Variants in CACNA2D2 observed in about 807,000 individuals in gnomAD.
The protein encoded by CACNA2D2 is calcium voltage-gated channel auxiliary subunit alpha2delta 2.
Under a neutral mutation model 166.4 loss-of-function variants are expected in CACNA2D2, and 48 were observed. That is an observed-to-expected ratio of 0.29 (90% CI 0.23 to 0.37). The LOEUF (loss-of-function observed/expected upper bound fraction) is 0.37, where lower values mean the gene tolerates loss of function less well. CACNA2D2 is among the 10% of genes least tolerant of loss of function. The pLI is 1.00. For synonymous variants in CACNA2D2, 561 were observed against 573.7 expected (o/e 0.98, Z 0.32); for missense variants, 1,122 against 1,433.0 (o/e 0.78, Z 3.50).
intron 2 of CACNA2D2, among the ~76,000 whole-genome samples, chr3:50,442,404 T>C (rs745719763): frequency 1.3e-5 from 2 of 152,172 alleles, no homozygotes; most frequent in Non-Finnish European, 1.5e-5. Context: ...CAAGAAGCAC[T>C]TTCCCCAAGC....
chr3:50,477,130 T>C (rs924698559), intron 1 of CACNA2D2, among the ~76,000 whole-genome samples: 2 of 151,908 alleles, frequency 1.3e-5, no homozygotes, highest in African/African-American at 2.4e-5. Context: ...GGGGTTTCAC[T>C]GTGTTAGCCA....
chr3:50,427,146 A>G lies in CACNA2D2; in HGVS notation c.405+7167T>C, dbSNP rs1482451986. Among the ~76,000 whole-genome samples the G allele has an allele frequency of 1.3e-5, 2 of 152,170 alleles. No individual in the cohort carries two copies. Among genetic ancestry groups the G allele is most frequent in the African/African-American group, 2.4e-5 (1 of 41,440 alleles). ...GACATCCAGGCCACCTCGTCCAAGG[A>G]GCCCTCTCTGACTCCCATTCCTTGG... is the stretch of plus-strand genomic sequence containing the variant. On this transcript the variant is annotated intron_variant, in intron 3 of 37. Coordinates refer to ENST00000424201, the MANE Select transcript of CACNA2D2 (RefSeq NM_006030.4). This position sits in a 1 kb window ranked among gnomAD's most constrained non-coding sequence, Gnocchi z 4.7.
intron 2 of CACNA2D2, among the ~76,000 whole-genome samples, chr3:50,451,902 T>C (rs984552895): frequency 7.9e-5 from 12 of 152,200 alleles, no homozygotes; most frequent in Non-Finnish European, 1.8e-4. Flanking sequence ...CAGAGAGTTC[T>C]TGTGACTCAC....
At position 50,375,622 on chromosome 3, in the gene CACNA2D2, G is replaced by A. The variant is rs778160430; in HGVS notation, c.1907+22C>T. The A allele has an allele frequency of 2.4e-5, 32 of 1,359,890 alleles. No individual in the cohort carries two copies. The highest frequency in any genetic ancestry group is 1.1e-4 in the East Asian group (4 of 36,714). 84.2% of individuals were successfully genotyped at this position (1,359,890 alleles called of 1,614,324 possible). The stretch of plus-strand genomic sequence containing the variant: ...TGGGGCCACCCCACCCTCTCTGCCC[G>A]CCCAGCCCTGGCCTCACTTACCTGT... On this transcript the variant is annotated intron_variant, in intron 21 of 37. Transcript: ENST00000424201. This position sits in a 1 kb window ranked among gnomAD's most constrained non-coding sequence, Gnocchi z 4.0.
chr3:50,502,385 T>C (rs1332012263), intron 1 of CACNA2D2, among the ~76,000 whole-genome samples: 1 of 152,190 alleles, frequency 6.6e-6, no homozygotes, highest in Non-Finnish European at 1.5e-5. Flanking sequence ...CCACATGCAC[T>C]GAACATCCAC....
At chr3:50,402,397 GA>G (rs1372670610) in intron 3 of CACNA2D2, among the ~76,000 whole-genome samples, 2 of 152,220 alleles carry the variant, frequency 1.3e-5, no homozygotes, top group Non-Finnish European at 2.9e-5. Flanking sequence ...CGTGCTGCAG[GA>G]AAGGTCTGGT....
intron 3 of CACNA2D2, among the ~76,000 whole-genome samples, chr3:50,394,383 A>G (rs1706043106): frequency 6.6e-6 from 1 of 152,136 alleles, no homozygotes; most frequent in South Asian, 2.1e-4. Context: ...CCATGCAGGA[A>G]AGGTGAAGCC....
rs1158599737 is a variant in CACNA2D2, at chr3:50,392,236, C to T, written c.465+1873G>A. On this transcript the variant is annotated intron_variant, in intron 4 of 37. Transcript: ENST00000424201. The stretch of plus-strand genomic sequence containing the variant: ...CCTCCCCTGGCATGGACAGTCCCTC[C>T]TGCAGCCACTGCTGCCAGCAATCCC... Among the ~76,000 whole-genome samples, 11 of 152,200 alleles carry T rather than the reference C, an allele frequency of 7.2e-5. No homozygotes were observed. The East Asian group carries it at 1.9e-3, about 27-fold the overall frequency.
rs1704245629 is a variant in CACNA2D2 at position 50,365,947 on chromosome 3, G to A, written c.2862+64C>T. ...GCTTTATCAAATGTCAGAGGTAGGG[G>A]GTCATCTGTGGGCAGGTCTCCCAGT... On this transcript the variant is annotated intron_variant, in intron 32 of 37. Coordinates refer to ENST00000424201, the MANE Select transcript of CACNA2D2 (RefSeq NM_006030.4). The surrounding 1 kb of genome is among the most constrained non-coding windows in gnomAD (Gnocchi z 4.5). The A allele has an allele frequency of 3.7e-6, 6 of 1,611,244 alleles. No individual in the cohort carries two copies. The highest frequency in any genetic ancestry group is 3.3e-5 in the Admixed American group (2 of 59,976).
At chr3:50,439,482 G>C (rs898461799) in intron 2 of CACNA2D2, among the ~76,000 whole-genome samples, 1 of 152,252 alleles carries the variant, frequency 6.6e-6, no homozygotes, top group Non-Finnish European at 1.5e-5. Flanking sequence ...CTCACCTTGG[G>C]GTTTTGCCAG....
intron 4 of CACNA2D2, among the ~76,000 whole-genome samples, chr3:50,389,078 C>T (rs587641316): frequency 6.6e-6 from 1 of 152,340 alleles, no homozygotes; most frequent in South Asian, 2.1e-4. Flanking sequence ...CTCCAACCTG[C>T]CCTTCCAGCC....
intron 3 of CACNA2D2, among the ~76,000 whole-genome samples, chr3:50,432,535 G>A (rs1186682989): frequency 6.6e-6 from 1 of 152,244 alleles, no homozygotes; most frequent in African/African-American, 2.4e-5. Context: ...ACAAGGGAAA[G>A]GCAGGAGAAG....
chr3:50,439,183 A>C (rs950547564), intron 2 of CACNA2D2, among the ~76,000 whole-genome samples: 1 of 152,238 alleles, frequency 6.6e-6, no homozygotes, highest in Non-Finnish European at 1.5e-5. Flanking sequence ...TGAACTGGGC[A>C]GGCCTGAAGG....
chr3:50,415,806 G>A (rs1707241411), intron 3 of CACNA2D2: 1 of 152,278 alleles, frequency 6.6e-6, no homozygotes, highest in Non-Finnish European at 1.5e-5. Context: ...GGAGGACCCT[G>A]GCTGCACAGA....
intron 3 of CACNA2D2, among the ~76,000 whole-genome samples, chr3:50,429,390 C>T (rs991741059): frequency 8.6e-5 from 13 of 151,922 alleles, no homozygotes; most frequent in African/African-American, 1.4e-4. Flanking sequence ...ATTTCAGGTC[C>T]GGCACTTGGT....
At chr3:50,461,705 G>A (rs1709587910) in intron 2 of CACNA2D2, among the ~76,000 whole-genome samples, 1 of 144,492 alleles carries the variant, frequency 6.9e-6, no homozygotes, top group Non-Finnish European at 1.5e-5. Flanking sequence ...AGGTTGCGGT[G>A]AGCCGAGATC....
At chr3:50,429,274 G>C (rs1177631930) in intron 3 of CACNA2D2, among the ~76,000 whole-genome samples, 1 of 152,014 alleles carries the variant, frequency 6.6e-6, no homozygotes, top group Non-Finnish European at 1.5e-5. Context: ...TGGAGCAAGT[G>C]GCTTAAGCTC....
intron 2 of CACNA2D2, among the ~76,000 whole-genome samples, chr3:50,461,143 A>G (rs949264832): frequency 2.6e-5 from 4 of 152,230 alleles, no homozygotes; most frequent in African/African-American, 9.6e-5. Flanking sequence ...AAAGCCGCAC[A>G]AAGATAGGTC....
intron 2 of CACNA2D2, among the ~76,000 whole-genome samples, chr3:50,472,041 A>G (rs1710121253): frequency 6.6e-6 from 1 of 152,188 alleles, no homozygotes; most frequent in African/African-American, 2.4e-5. Context: ...GGGATTTCCA[A>G]GTCCTGGGGT....
Sources: gnomAD v4.1 joint callset for allele counts (sites outside exome capture counted in the v4.1 genomes callset) on GRCh38, gnomAD v4.1.1 for gene constraint, Gnocchi (gnomAD v3.1) non-coding constraint, MANE v1.5 for transcripts, NCBI Gene and HGNC (gene_info 2026-07-23, HGNC 2026-07-21) for gene names.